Variants in EDA observed in about 807,000 individuals in gnomAD.
EDA encodes ectodysplasin A.
Under a neutral mutation model 23.6 loss-of-function variants are expected in EDA, and 2 were observed. The ratio of observed to expected loss-of-function variants is 0.08; its 90% CI spans 0.03 to 0.27. EDA has a LOEUF of 0.27. EDA is among the 10% of genes least tolerant of loss of function. The pLI is 1.00. For missense variants in EDA, 229 were observed against 324.2 expected (o/e 0.71, Z 2.26); for synonymous variants, 131 against 132.0 (o/e 0.99, Z 0.05).
At chrX:69,839,403 T>A (rs1602470338) in intron 1 of EDA, among the ~76,000 whole-genome samples, 1 of 112,261 alleles carries the variant, frequency 8.9e-6, no homozygotes, top group East Asian at 2.8e-4. Context: ...CCAGGAATCT[T>A]TTGAAATCCT....
intron 1 of EDA, among the ~76,000 whole-genome samples, chrX:69,634,847 T>C (rs1932736845): frequency 8.9e-6 from 1 of 112,297 alleles, no homozygotes; most frequent in Non-Finnish European, 1.9e-5. Context: ...GTGAACAATT[T>C]TTATTGTCTA....
At chrX:69,834,565 G>A (rs1251622711) in intron 1 of EDA, among the ~76,000 whole-genome samples, 1 of 98,761 alleles carries the variant, frequency 1.0e-5, no homozygotes, top group Non-Finnish European at 2.0e-5. Context: ...CCATTTGCTT[G>A]GTAGATCTTC....
At chrX:69,959,501 T>G (rs2019068979) in intron 2 of EDA, among the ~76,000 whole-genome samples, 1 of 112,123 alleles carries the variant, frequency 8.9e-6, no homozygotes, top group African/African-American at 3.2e-5. Context: ...GAGCGTATAC[T>G]ATATTTATTC....
At position 69,662,535 on chromosome X, in the gene EDA, G is replaced by A. The variant is rs761511758; in HGVS notation, c.396+45831G>A. On this transcript the variant is annotated intron_variant, in intron 1 of 7. Transcript: ENST00000374552. Reference sequence around the variant, plus strand: ...ACCTCTTTCCTTTATAAATTACCCAGTCTCAGATATGTCTTTATTAGCAGC... The same window carrying A: ...ACCTCTTTCCTTTATAAATTACCCAATCTCAGATATGTCTTTATTAGCAGC... Among the ~76,000 whole-genome samples, 8 of 112,244 alleles carry A rather than the reference G, an allele frequency of 7.1e-5. No homozygotes were observed. The South Asian group carries it at 2.9e-3, about 41-fold the overall frequency.
chrX:69,850,941 C>T (rs537736484), intron 1 of EDA, among the ~76,000 whole-genome samples: 153 of 112,081 alleles, frequency 1.4e-3, no homozygotes, highest in African/African-American at 4.9e-3. Context: ...TTACACTCTT[C>T]TATTATTTGT....
intron 1 of EDA, among the ~76,000 whole-genome samples, chrX:69,829,140 C>G (rs765821946): frequency 5.3e-5 from 6 of 112,361 alleles, no homozygotes; most frequent in East Asian, 2.8e-4. Flanking sequence ...CTCACTTAGA[C>G]GTAAGCCCCA....
rs374930096 is a variant in EDA, at chrX:69,777,144, T to TTGTTGTTGTTGTTGTTG, written c.396+160441_396+160442insGTTGTTGTTGTTGTTGT. On this transcript the variant is annotated intron_variant, in intron 1 of 7. Coordinates refer to ENST00000374552, the MANE Select transcript of EDA (RefSeq NM_001399.5). ...TTGTTTGTTTCTGTTGATTCTGGGT[T>TTGTTGTTGTTGTTGTTG]TTGTTGTTGTTGTTGTTGTTGTTGT... is the stretch of plus-strand genomic sequence containing the variant. Among the ~76,000 whole-genome samples the TTGTTGTTGTTGTTGTTG allele has an allele frequency of 3.6e-4, 38 of 106,837 alleles. 1 individual carries two copies. Among genetic ancestry groups the TTGTTGTTGTTGTTGTTG allele is most frequent in the Admixed American group, 5.1e-4 (5 of 9,883 alleles). 92.8% of individuals were successfully genotyped at this position (106,837 alleles called of 115,157 possible).
intron 1 of EDA, among the ~76,000 whole-genome samples, chrX:69,905,644 G>A (rs769248009): frequency 8.9e-6 from 1 of 111,759 alleles, no homozygotes; most frequent in African/African-American, 3.2e-5. Flanking sequence ...TTGCTACTGT[G>A]TGAGGAATTT....
At chrX:69,741,356 TTTG>T (rs1382065994) in intron 1 of EDA, among the ~76,000 whole-genome samples, 1 of 111,524 alleles carries the variant, frequency 9.0e-6, no homozygotes, top group Non-Finnish European at 1.9e-5. Flanking sequence ...CAGTTCAAGA[TTTG>T]TTGTTATTGT....
intron 1 of EDA, among the ~76,000 whole-genome samples, chrX:69,636,309 C>T (rs1932773091): frequency 9.1e-6 from 1 of 110,159 alleles, no homozygotes; most frequent in South Asian, 3.9e-4. Flanking sequence ...CACCTTCCAG[C>T]ATGATTTTAA....
At chrX:69,711,187 G>C (rs995798189) in intron 1 of EDA, among the ~76,000 whole-genome samples, 1 of 111,354 alleles carries the variant, frequency 9.0e-6, no homozygotes, top group Non-Finnish European at 1.9e-5. Flanking sequence ...AACTTATTGA[G>C]AGTTTTTAGC....
chrX:69,669,437 C>T (rs1320490283), intron 1 of EDA, among the ~76,000 whole-genome samples: 1 of 110,828 alleles, frequency 9.0e-6, no homozygotes, highest in Non-Finnish European at 1.9e-5. Context: ...ATTTGTATAT[C>T]TGCTGTAGGT....
chrX:69,818,781 C>A (rs1372784616), intron 1 of EDA, among the ~76,000 whole-genome samples: 1 of 111,687 alleles, frequency 9.0e-6, no homozygotes, highest in Non-Finnish European at 1.9e-5. Context: ...AGAATTCTAC[C>A]AGATGTACAA....
chrX:69,678,496 C>A (rs937251973), intron 1 of EDA, among the ~76,000 whole-genome samples: 8 of 111,049 alleles, frequency 7.2e-5, no homozygotes, highest in African/African-American at 1.3e-4. Context: ...CTTTTATTTC[C>A]TTGAGCAGTG....
intron 1 of EDA, among the ~76,000 whole-genome samples, chrX:69,654,959 T>TAA (rs1347005869): frequency 9.7e-6 from 1 of 102,707 alleles, no homozygotes; most frequent in African/African-American, 3.5e-5. Flanking sequence ...ACAATACAAT[T>TAA]AAAAAAAAAA....
chrX:69,859,067 C>T (rs1185148002), intron 1 of EDA, among the ~76,000 whole-genome samples: 1 of 111,627 alleles, frequency 9.0e-6, no homozygotes. Context: ...TCTGTGGGGT[C>T]AGTGGTAATA....
intron 1 of EDA, among the ~76,000 whole-genome samples, chrX:69,863,515 G>GTA (rs1294967565): frequency 2.3e-4 from 7 of 29,958 alleles, no homozygotes; most frequent in Admixed American, 6.0e-4. Context: ...ACATATATAT[G>GTA]TATATATATG....
intron 2 of EDA, among the ~76,000 whole-genome samples, chrX:69,982,627 A>G (rs770823662): frequency 3.9e-4 from 43 of 111,658 alleles, no homozygotes; most frequent in African/African-American, 1.3e-3. Flanking sequence ...TTTTTTCTTA[A>G]AAATAAAACA....
At chrX:69,913,475 G>A (rs1046505872) in intron 1 of EDA, among the ~76,000 whole-genome samples, 2 of 112,263 alleles carry the variant, frequency 1.8e-5, no homozygotes, top group African/African-American at 3.2e-5. Context: ...ACTTCTTTCA[G>A]CCTTCACAGA....
Sources: gnomAD v4.1 joint callset for allele counts (sites outside exome capture counted in the v4.1 genomes callset) on GRCh38, gnomAD v4.1.1 for gene constraint, MANE v1.5 for transcripts, NCBI Gene and HGNC (gene_info 2026-07-23, HGNC 2026-07-21) for gene names.